Variants in IFIH1 observed in about 807,000 individuals in gnomAD.
IFIH1 encodes interferon-induced helicase C domain-containing protein 1.
A neutral mutation model predicts 107.4 loss-of-function variants in IFIH1; 125 were observed. That is an observed-to-expected ratio of 1.16 (90% CI 1.01 to 1.35). The LOEUF (loss-of-function observed/expected upper bound fraction) is 1.35, where lower values mean the gene tolerates loss of function less well. IFIH1 is among the 40% of genes most tolerant of loss of function. The pLI is 0.00. For missense variants in IFIH1, 1,333 were observed against 1,213.7 expected (o/e 1.10, Z -1.46); for synonymous variants, 458 against 413.2 (o/e 1.11, Z -1.31).
At chr2:162,304,400 T>A (rs1434693985) in intron 3 of IFIH1, among the ~76,000 whole-genome samples, 2 of 152,152 alleles carry the variant, frequency 1.3e-5, no homozygotes, top group Non-Finnish European at 2.9e-5. Context: ...AGGTCAAGGC[T>A]GCAGTGAGCT....
intron 13 of IFIH1, 52 bp from the exon 14 acceptor site, chr2:162,268,329 G>C (rs1690965493): frequency 4.8e-6 from 6 of 1,250,092 alleles, no homozygotes; most frequent in Non-Finnish European, 6.8e-6. Context: ...TCTTTTTTCA[G>C]TTTCATAGAA....
intron 4 of IFIH1, among the ~76,000 whole-genome samples, chr2:162,290,226 C>T (rs1295058132): frequency 6.6e-6 from 1 of 151,710 alleles, no homozygotes; most frequent in Admixed American, 6.6e-5. Flanking sequence ...ATGCTCCTTC[C>T]TTCATAATAG....
intron 12 of IFIH1, 132 bp from the exon 13 acceptor site, chr2:162,272,519 G>T: frequency 1.4e-6 from 1 of 703,500 alleles, no homozygotes; most frequent in East Asian, 2.7e-5. Flanking sequence ...TCTTCAAATG[G>T]GTAAAGTTAG....
At chr2:162,273,374 G>T (rs1691083003) in intron 12 of IFIH1, among the ~76,000 whole-genome samples, 1 of 152,130 alleles carries the variant, frequency 6.6e-6, no homozygotes, top group South Asian at 2.1e-4. Context: ...GATAAGGGAA[G>T]AAAATGCAGA....
rs575366104 is a variant in IFIH1 at position 162,289,962 on chromosome 2, T to A, written c.875-1607A>T. Among the ~76,000 whole-genome samples the A allele has an allele frequency of 3.3e-5, 5 of 152,056 alleles. No homozygotes were observed. The South Asian group carries it at 1.0e-3, about 31-fold the overall frequency. ...ATTTATTTAAGAACAATGTTAGCCC[T>A]CTGTAGCTTTCATAGACTATCAAAA... On this transcript the variant is annotated intron_variant, in intron 4 of 15. Transcript: ENST00000649979.
At chr2:162,307,006 T>C in intron 2 of IFIH1, 151 bp from the exon 3 acceptor site, 8 of 609,670 alleles carry the variant, frequency 1.3e-5, no homozygotes, top group Non-Finnish European at 2.2e-5. Context: ...CTGAATAGAA[T>C]GTAAATTGTA....
At chr2:162,281,629 C>T (rs1682812224) in intron 6 of IFIH1, 84 bp from the exon 7 acceptor site, 2 of 967,844 alleles carry the variant, frequency 2.1e-6, no homozygotes, top group East Asian at 2.6e-5. Context: ...ATTGAGCTGC[C>T]TTGGGGATGC....
At chr2:162,284,031 G>A (rs896011924) in intron 5 of IFIH1, among the ~76,000 whole-genome samples, 40 of 150,858 alleles carry the variant, frequency 2.7e-4, no homozygotes, top group Admixed American at 2.4e-3. Context: ...TTACAAACAC[G>A]CTTGAGAAGT....
rs573754443 is a variant in IFIH1, at chr2:162,286,820, A to G, written c.1095+1315T>C. 8.5e-5 allele frequency among the ~76,000 whole-genome samples: 13 copies of G among 152,062 alleles called. No individual in the cohort carries two copies. The South Asian group carries it at 1.7e-3, about 19-fold the overall frequency. On this transcript the variant is annotated intron_variant, in intron 5 of 15. Transcript: ENST00000649979. ...AGGTGAAGAGAAAGGAGCAGGAGAA[A>G]GCTAGTATTTAAGAGTAAAAGCAGG... is the stretch of plus-strand genomic sequence containing the variant.
rs185611145 is a variant in IFIH1 at position 162,278,166 on chromosome 2, C to T, written c.1765+39G>A. 9 of 1,557,978 alleles carry T rather than the reference C, an allele frequency of 5.8e-6. No individual in the cohort carries two copies. The African/African-American group carries it at 9.7e-5, about 17-fold the overall frequency. The stretch of plus-strand genomic sequence containing the variant: ...TAGTCATCTAAAATCTTGGTATAAA[C>T]ATGGGATAAACTAAGTGTTAGGTCC... On this transcript the variant is annotated intron_variant, in intron 9 of 15. Transcript: ENST00000649979.
At chr2:162,288,917 GCACACACACACACACACA>G (rs3051152) in intron 4 of IFIH1, among the ~76,000 whole-genome samples, 4 of 135,366 alleles carry the variant, frequency 3.0e-5, no homozygotes, top group African/African-American at 1.1e-4. Context: ...ATACCAAAAA[GCACACACACACACACACA>G]CACACACACA....
At chr2:162,294,452 A>G (rs1683049992) in intron 3 of IFIH1, among the ~76,000 whole-genome samples, 1 of 151,970 alleles carries the variant, frequency 6.6e-6, no homozygotes, top group African/African-American at 2.4e-5. Context: ...CTCAAGCACC[A>G]GAACTATCGT....
intron 11 of IFIH1, among the ~76,000 whole-genome samples, chr2:162,274,433 A>C (rs977077429): frequency 2.0e-5 from 3 of 152,194 alleles, no homozygotes; most frequent in Non-Finnish European, 2.9e-5. Flanking sequence ...CATTTGAGTT[A>C]GAAGCTATGG....
Position 162,318,152 on chromosome 2 carries a change from G to A in IFIH1, c.156C>T (p.Thr52=). ...VKEQIQRTVA[T]SGNMQAVELL... ...GTTCAACTGCCTGCATGTTCCCGGA[G>A]GTGGCGACTGTCCTCTGAATCTGCT... Residue 52 remains threonine, a synonymous_variant, in exon 1 of 16, where the codon ACC becomes ACT. Coordinates refer to ENST00000649979, the MANE Select transcript of IFIH1 (RefSeq NM_022168.4). 1 of 1,614,198 alleles carries A rather than the reference G, an allele frequency of 6.2e-7. No homozygotes were observed. Among genetic ancestry groups the A allele is most frequent in the Non-Finnish European group, 8.5e-7 (1 of 1,180,034 alleles).
At chr2:162,283,783 G>A (rs1682849983) in intron 5 of IFIH1, among the ~76,000 whole-genome samples, 1 of 151,932 alleles carries the variant, frequency 6.6e-6, no homozygotes, top group African/African-American at 2.4e-5. Context: ...TTATTATTTA[G>A]TGGAAATGAT....
rs1307616619 is a variant in IFIH1 at position 162,318,091 on chromosome 2, G to A, written c.217C>T (p.Leu73Phe). Residue 73 changes from leucine (L) to phenylalanine (F), a missense_variant, in exon 1 of 16, where the codon CTT (leucine) becomes TTT (phenylalanine). Coordinates refer to ENST00000649979, the MANE Select transcript of IFIH1 (RefSeq NM_022168.4). ...TCCACGAATTCCCGAGTCCAACCAA[G>A]GTGCCAGACTCCCTTCTCCAAGGTG... ...LSTLEKGVWH[L>F]GWTREFVEAL... 25 of 1,614,060 alleles carry A rather than the reference G, an allele frequency of 1.5e-5. No individual in the cohort carries two copies. Among genetic ancestry groups the A allele is most frequent in the Non-Finnish European group, 2.1e-5 (25 of 1,180,028 alleles).
chr2:162,282,123 T>C (rs1682820031), intron 6 of IFIH1, among the ~76,000 whole-genome samples: 1 of 151,960 alleles, frequency 6.6e-6, no homozygotes, highest in Non-Finnish European at 1.5e-5. Context: ...TAAAGGAACT[T>C]GTCAGAATAA....
chr2:162,284,934 A>G (rs1412859546), intron 5 of IFIH1, among the ~76,000 whole-genome samples: 1 of 151,974 alleles, frequency 6.6e-6, no homozygotes, highest in Non-Finnish European at 1.5e-5. Context: ...AAAAATCTTC[A>G]AAAGAAGCCG....
chr2:162,314,397 T>TCCCTCCCTCCCTC (rs1558877358), intron 1 of IFIH1, among the ~76,000 whole-genome samples: 1 of 58,574 alleles, frequency 1.7e-5, no homozygotes, highest in African/African-American at 1.5e-4. Flanking sequence ...CCTCCCTCCC[T>TCCCTCCCTCCCTC]CCTTTCTTTC....
Sources: allele counts gnomAD v4.1 joint callset (sites outside exome capture counted in the v4.1 genomes callset), GRCh38; gene constraint gnomAD v4.1.1; transcripts MANE v1.5; gene names NCBI Gene and HGNC (gene_info 2026-07-23, HGNC 2026-07-21).